PDCD1LG2: variants seen among roughly 807,000 people sequenced by gnomAD.
The protein encoded by PDCD1LG2 is B7 dendritic cell molecule.
Under a neutral mutation model 28.2 loss-of-function variants are expected in PDCD1LG2, and 32 were observed. The observed-to-expected ratio is 1.13, with a 90% CI of 0.86 to 1.52. PDCD1LG2 has a LOEUF of 1.52. Among genes scored for constraint, PDCD1LG2 ranks in the 40% most tolerant of loss-of-function variants. PDCD1LG2 has a pLI of 0.00. For missense variants in PDCD1LG2, 385 were observed against 323.8 expected (o/e 1.19, Z -1.45); for synonymous variants, 116 against 120.2 (o/e 0.97, Z 0.23).
At position 5,557,625 on chromosome 9, in the gene PDCD1LG2, G is replaced by A. The variant is rs1816471804; in HGVS notation, c.639G>A (p.Met213Ile). ...TLASIDLQSQ[M>I]EPRTHPTWLL... Reference sequence around the variant, plus strand: ...TGCTTTTCCTTTGCCCAGGTCAGATGGAACCCAGGACCCATCCAACTTGGC... The same window carrying A: ...TGCTTTTCCTTTGCCCAGGTCAGATAGAACCCAGGACCCATCCAACTTGGC... The change falls in exon 5 of 7, where the codon ATG (methionine) becomes ATA (isoleucine). Residue 213 changes from methionine to isoleucine, a missense_variant. Transcript: ENST00000397747. 2 of 1,613,946 alleles carry A rather than the reference G, an allele frequency of 1.2e-6. No homozygotes were observed. The highest frequency in any genetic ancestry group is 8.5e-7 in the Non-Finnish European group (1 of 1,179,896).
chr9:5,560,459 C>G (rs1180059513), intron 5 of PDCD1LG2, among the ~76,000 whole-genome samples: 1 of 152,168 alleles, frequency 6.6e-6, no homozygotes, highest in South Asian at 2.1e-4. Context: ...CTTGCTGGTT[C>G]CGATCCCCAC....
intron 3 of PDCD1LG2, among the ~76,000 whole-genome samples, chr9:5,543,186 A>G (rs1820719991): frequency 1.3e-5 from 2 of 152,112 alleles, no homozygotes; most frequent in Non-Finnish European, 2.9e-5. Flanking sequence ...AAGGCATAAG[A>G]ATGATACAAT....
At chr9:5,557,784 C>T (rs1563833126) in intron 5 of PDCD1LG2, 32 bp downstream of exon 5, 6 of 1,611,742 alleles carry the variant, frequency 3.7e-6, no homozygotes, top group East Asian at 2.2e-5. Context: ...TAACCCAATG[C>T]ACTGGGTGTC....
intron 2 of PDCD1LG2, among the ~76,000 whole-genome samples, chr9:5,527,309 A>G (rs2129753338): frequency 6.6e-6 from 1 of 152,334 alleles, no homozygotes; most frequent in African/African-American, 2.4e-5. Context: ...CAAACAAACA[A>G]AAAGCTTCAC....
chr9:5,513,327 G>C (rs963192767), intron 1 of PDCD1LG2, among the ~76,000 whole-genome samples: 3 of 152,210 alleles, frequency 2.0e-5, no homozygotes, highest in Admixed American at 1.3e-4. Flanking sequence ...TCCTACCAGT[G>C]CTTCAAAGGC....
chr9:5,558,509 T>C (rs1474525669), intron 5 of PDCD1LG2, among the ~76,000 whole-genome samples: 1 of 152,214 alleles, frequency 6.6e-6, no homozygotes, highest in East Asian at 1.9e-4. Context: ...TTGTCTGCAC[T>C]CAATGAACTT....
intron 2 of PDCD1LG2, among the ~76,000 whole-genome samples, chr9:5,529,460 A>G (rs992924431): frequency 6.6e-6 from 1 of 152,146 alleles, no homozygotes; most frequent in Non-Finnish European, 1.5e-5. Context: ...TCAATTAGTC[A>G]TATTTATGTG....
rs141020197 is a variant in PDCD1LG2, at chr9:5,517,568, C to T, written c.-14-4965C>T. ...TACACTGAGTGAAATGCTGAGCCATCGGAAGGTTTTAAGAAAATATGGTTT... is the reference window on the plus strand; with the variant it reads ...TACACTGAGTGAAATGCTGAGCCATTGGAAGGTTTTAAGAAAATATGGTTT... On this transcript the variant is annotated intron_variant, in intron 1 of 6. Transcript: ENST00000397747. Among the ~76,000 whole-genome samples the T allele has an allele frequency of 4.3e-4, 65 of 152,252 alleles. No homozygotes were observed. The East Asian group carries it at 9.9e-3, about 23-fold the overall frequency.
intron 3 of PDCD1LG2, among the ~76,000 whole-genome samples, chr9:5,540,121 A>G (rs1820660360): frequency 6.6e-6 from 1 of 152,218 alleles, no homozygotes; most frequent in Admixed American, 6.5e-5. Flanking sequence ...CATGGAAGTT[A>G]AATAATGAGT....
chr9:5,557,438 A>G (rs1034837911), intron 4 of PDCD1LG2, among the ~76,000 whole-genome samples, 180 bp from the exon 5 acceptor site: 1 of 152,172 alleles, frequency 6.6e-6, no homozygotes, highest in African/African-American at 2.4e-5. Context: ...AGCCAACTTC[A>G]CAGAGTGGTT....
At chr9:5,531,052 A>C (rs1308275047) in intron 2 of PDCD1LG2, among the ~76,000 whole-genome samples, 2 of 152,252 alleles carry the variant, frequency 1.3e-5, no homozygotes, top group Non-Finnish European at 2.9e-5. Context: ...AGAAGCTCCC[A>C]GGAAAAGAAA....
rs779241005 is a variant in PDCD1LG2, at chr9:5,535,062, C to T, written c.361+12C>T. 7 of 1,588,112 alleles carry T rather than the reference C, an allele frequency of 4.4e-6. No individual in the cohort carries two copies. The South Asian group carries it at 5.7e-5, about 13-fold the overall frequency. ...TCTGAAAGTCAAAGGTGAGTGGTGT[C>T]AAGGACTAGAATCCATGGAAGCATC... On this transcript the variant is annotated intron_variant, in intron 3 of 6. Transcript: ENST00000397747.
rs1816725696 is a variant in PDCD1LG2 at position 5,569,283 on chromosome 9, C to T, written c.817-671C>T. ...AAACCAGCAAGGGATACTGAGCATG[C>T]CAGGATGCAAGAGCAGGCAGGGAAG... is the stretch of plus-strand genomic sequence containing the variant. On this transcript the variant is annotated intron_variant, in intron 6 of 6. Transcript: ENST00000397747. The surrounding 1 kb of genome is among the most constrained non-coding windows in gnomAD (Gnocchi z 4.1). Among the ~76,000 whole-genome samples, 1 of 152,084 alleles carries T rather than the reference C, an allele frequency of 6.6e-6. No homozygotes were observed. Among genetic ancestry groups the T allele is most frequent in the Admixed American group, 6.6e-5 (1 of 15,260 alleles).
chr9:5,556,888 C>T (rs549939141), intron 4 of PDCD1LG2, among the ~76,000 whole-genome samples: 1 of 152,308 alleles, frequency 6.6e-6, no homozygotes, highest in South Asian at 2.1e-4. Context: ...CTTTACAAGG[C>T]TTTCCCCAGC....
intron 4 of PDCD1LG2, among the ~76,000 whole-genome samples, chr9:5,556,588 C>G (rs1200254705): frequency 6.6e-6 from 1 of 152,154 alleles, no homozygotes; most frequent in Non-Finnish European, 1.5e-5. Flanking sequence ...AATCTCTTCT[C>G]CAGTAAAACA....
At chr9:5,521,599 C>A (rs1312149385) in intron 1 of PDCD1LG2, among the ~76,000 whole-genome samples, 1 of 152,152 alleles carries the variant, frequency 6.6e-6, no homozygotes, top group Non-Finnish European at 1.5e-5. Context: ...ACCTCTCCCT[C>A]TCAGCAATAG....
chr9:5,512,182 A>G (rs1244332509), intron 1 of PDCD1LG2, among the ~76,000 whole-genome samples: 1 of 152,184 alleles, frequency 6.6e-6, no homozygotes, highest in Non-Finnish European at 1.5e-5. Context: ...CAAATATGTC[A>G]TATGTCTTAA....
In PDCD1LG2 at chr9:5,562,657, A is replaced by G. The variant is rs189089124; in HGVS notation, c.767-505A>G. Among the ~76,000 whole-genome samples the G allele has an allele frequency of 1.1e-3, 165 of 152,300 alleles. 1 individual carries two copies. Among genetic ancestry groups the G allele is most frequent in the African/African-American group, 3.7e-3 (153 of 41,552 alleles). On this transcript the variant is annotated intron_variant, in intron 5 of 6. Transcript: ENST00000397747. ...CCTATTGATATAAAAAAAAAATTAA[A>G]AGAAAGATGTGAAATCAAGGAAACT...
Position 5,522,596 on chromosome 9 carries a change from T to G in PDCD1LG2, c.50T>G (p.Ile17Arg), listed in dbSNP as rs941236320. The part of the protein sequence containing the change: ...MLSLELQLHQ[I>R]AALFTVTVPK... ...AGCCTGGAATTGCAGCTTCACCAGA[T>G]AGCAGGTAAGAAAGGACAAAGGGAG... The change falls in exon 2 of 7, where the codon ATA becomes AGA. Residue 17 changes from isoleucine (I) to arginine (R), a missense_variant. Coordinates refer to ENST00000397747, the MANE Select transcript of PDCD1LG2 (RefSeq NM_025239.4). 28 of 1,613,478 alleles carry G rather than the reference T, an allele frequency of 1.7e-5. No homozygotes were observed. The highest frequency in any genetic ancestry group is 2.2e-5 in the Non-Finnish European group (26 of 1,179,620).
Sources: allele counts gnomAD v4.1 joint callset (sites outside exome capture counted in the v4.1 genomes callset), GRCh38; gene constraint gnomAD v4.1.1; non-coding constraint Gnocchi (gnomAD v3.1); transcripts MANE v1.5; gene names NCBI Gene and HGNC (gene_info 2026-07-23, HGNC 2026-07-21).